Variants in PPP6R3 observed in about 807,000 individuals in gnomAD.
PPP6R3 encodes the protein serine/threonine-protein phosphatase 6 regulatory subunit 3.
Under a neutral mutation model 110.7 loss-of-function variants are expected in PPP6R3, and 38 were observed. The observed-to-expected ratio is 0.34, with a 90% CI of 0.26 to 0.45. The LOEUF (loss-of-function observed/expected upper bound fraction) is 0.45. Ranked by LOEUF, PPP6R3 falls within the 20% of genes least tolerant of loss-of-function variation. PPP6R3 has a pLI of 1.00. For synonymous variants in PPP6R3, 369 were observed against 373.5 expected, an observed-to-expected ratio of 0.99 and a Z score of 0.14; for missense variants, 870 against 1,062.4, an observed-to-expected ratio of 0.82 and a Z score of 2.52.
At chr11:68,516,605 C>CT (rs1367552586) in intron 1 of PPP6R3, among the ~76,000 whole-genome samples, 5 of 152,300 alleles carry the variant, frequency 3.3e-5, no homozygotes, top group Non-Finnish European at 5.9e-5. Flanking sequence ...TTGATGGACA[C>CT]TTGGGTTGCT....
At chr11:68,611,419 G>C (rs1285311113) in intron 23 of PPP6R3, among the ~76,000 whole-genome samples, 2 of 152,198 alleles carry the variant, frequency 1.3e-5, no homozygotes, top group African/African-American at 4.8e-5. Flanking sequence ...GTTTGCATAA[G>C]GGGAAGCCAC....
intron 11 of PPP6R3, among the ~76,000 whole-genome samples, chr11:68,570,359 G>A (rs1195038124): frequency 6.6e-6 from 1 of 152,170 alleles, no homozygotes; most frequent in African/African-American, 2.4e-5. Context: ...ATTTTACTAA[G>A]TCAGTCTTCA....
chr11:68,591,986 C>T (rs2099596830), intron 18 of PPP6R3, among the ~76,000 whole-genome samples: 1 of 152,180 alleles, frequency 6.6e-6, no homozygotes, highest in Non-Finnish European at 1.5e-5. Flanking sequence ...TCACATAGTG[C>T]CTTTTACTAA....
chr11:68,556,941 T>G (rs1019560565), intron 7 of PPP6R3, among the ~76,000 whole-genome samples: 2 of 152,230 alleles, frequency 1.3e-5, no homozygotes, highest in Admixed American at 1.3e-4. Flanking sequence ...GACTTCCAAT[T>G]TGACACAGCG....
chr11:68,541,223 G>A (rs2099313581), intron 3 of PPP6R3, among the ~76,000 whole-genome samples: 1 of 152,190 alleles, frequency 6.6e-6, no homozygotes, highest in Non-Finnish European at 1.5e-5. Flanking sequence ...CCCTCTGTTT[G>A]GGGTCCCTGA....
chr11:68,588,256 T>TG (rs2099584896), intron 16 of PPP6R3, among the ~76,000 whole-genome samples: 1 of 151,900 alleles, frequency 6.6e-6, no homozygotes, highest in African/African-American at 2.4e-5. Flanking sequence ...CCCAGCACTT[T>TG]GGGGGGCTGA....
intron 20 of PPP6R3, 111 bp downstream of exon 20, chr11:68,600,605 C>G: frequency 8.0e-7 from 1 of 1,249,688 alleles, no homozygotes; most frequent in Non-Finnish European, 1.1e-6. Flanking sequence ...GTTGAATATA[C>G]TGCCCTGAAA....
At chr11:68,463,971 A>C (rs1487905551) in intron 1 of PPP6R3, among the ~76,000 whole-genome samples, 1 of 152,188 alleles carries the variant, frequency 6.6e-6, no homozygotes, top group Non-Finnish European at 1.5e-5. Flanking sequence ...GCCCGCCAGC[A>C]AAAGTATCCA....
chr11:68,475,371 T>G (rs2098821439), intron 1 of PPP6R3, among the ~76,000 whole-genome samples: 2 of 152,192 alleles, frequency 1.3e-5, no homozygotes, highest in African/African-American at 2.4e-5. Context: ...CCTTTCCCCC[T>G]TTTCTATTCC....
chr11:68,477,384 A>G (rs910382340), intron 1 of PPP6R3, among the ~76,000 whole-genome samples: 1 of 151,970 alleles, frequency 6.6e-6, no homozygotes, highest in Non-Finnish European at 1.5e-5. Context: ...ATGATGGCTC[A>G]ATTTATGCTT....
intron 2 of PPP6R3, among the ~76,000 whole-genome samples, chr11:68,532,525 C>T (rs1389450407): frequency 6.6e-6 from 1 of 152,194 alleles, no homozygotes; most frequent in African/African-American, 2.4e-5. Context: ...GCTCCACTGA[C>T]TGGTTTGTTG....
chr11:68,584,031 C>G (rs1449028213), intron 15 of PPP6R3, among the ~76,000 whole-genome samples: 1 of 152,194 alleles, frequency 6.6e-6, no homozygotes, highest in African/African-American at 2.4e-5. Context: ...ATTGGTTGAG[C>G]TAAGCAATTG....
At chr11:68,512,551 C>T (rs966373060) in intron 1 of PPP6R3, among the ~76,000 whole-genome samples, 2 of 152,212 alleles carry the variant, frequency 1.3e-5, no homozygotes, top group African/African-American at 4.8e-5. Context: ...AGGATAGTTG[C>T]ATCACGTTAG....
intron 1 of PPP6R3, among the ~76,000 whole-genome samples, chr11:68,463,785 C>T (rs941791409): frequency 3.3e-5 from 5 of 152,152 alleles, no homozygotes; most frequent in Non-Finnish European, 7.4e-5. Flanking sequence ...TTGATTTACT[C>T]TAGTTCAAGA....
At chr11:68,491,592 C>T (rs972046330) in intron 1 of PPP6R3, among the ~76,000 whole-genome samples, 1 of 152,054 alleles carries the variant, frequency 6.6e-6, no homozygotes, top group African/African-American at 2.4e-5. Context: ...TCAAGCAGTC[C>T]TCCTACTTCA....
chr11:68,512,619 T>TG (rs1276625200), intron 1 of PPP6R3, among the ~76,000 whole-genome samples: 1 of 152,216 alleles, frequency 6.6e-6, no homozygotes, highest in Admixed American at 6.5e-5. Flanking sequence ...TTTAAGGAGA[T>TG]GCGTGTGGGT....
chr11:68,522,816 T>C (rs755677937), intron 2 of PPP6R3: 10 of 152,368 alleles, frequency 6.6e-5, no homozygotes, highest in Middle Eastern at 3.4e-3. Flanking sequence ...GGTTGTCTTT[T>C]CTCAACTTCT....
intron 9 of PPP6R3, among the ~76,000 whole-genome samples, chr11:68,566,301 C>T (rs955417492): frequency 2.0e-5 from 3 of 151,856 alleles, no homozygotes; most frequent in African/African-American, 7.3e-5. Flanking sequence ...TTTATTCTTC[C>T]TTCCTCCTCC....
chr11:68,478,647 G>GTTTTTTTTATTTTT (rs2098861086), intron 1 of PPP6R3, among the ~76,000 whole-genome samples: 1 of 50,506 alleles, frequency 2.0e-5, no homozygotes, highest in Non-Finnish European at 3.1e-5. Context: ...CACTTGGTAA[G>GTTTTTTTTATTTTT]TTTTTTTTTT....
Sources: allele counts gnomAD v4.1 joint callset (sites outside exome capture counted in the v4.1 genomes callset), GRCh38; gene constraint gnomAD v4.1.1; transcripts MANE v1.5; gene names NCBI Gene and HGNC (gene_info 2026-07-23, HGNC 2026-07-21).